The following PEAR1 variants were observed in gnomAD, a reference collection of about 807,000 sequenced individuals.
PEAR1 encodes multiple EGF-like domains protein 12.
In PEAR1, 113 loss-of-function variants were observed where a neutral mutation model predicts 131.2. The observed-to-expected ratio is 0.86, with a 90% CI of 0.74 to 1.01. The LOEUF is 1.01. PEAR1 is among the 50% of genes least tolerant of loss of function. PEAR1 has a pLI of 0.00. For synonymous variants in PEAR1, 565 were observed against 523.3 expected (o/e 1.08, Z -1.09); for missense variants, 1,408 against 1,391.1 (o/e 1.01, Z -0.19).
intron 22 of PEAR1, 34 bp from the exon 23 acceptor site, chr1:156,914,613 G>A (rs1165559638): frequency 6.3e-7 from 1 of 1,584,994 alleles, no homozygotes; most frequent in Non-Finnish European, 8.6e-7. Context: ...GGTGGGAGGA[G>A]CCACTCCCTC....
In PEAR1 at chr1:156,911,125, TCTTTC is replaced by T. The variant is rs1159593682; in HGVS notation, c.1951+388_1951+392del. On this transcript the variant is annotated intron_variant, in intron 15 of 22. Transcript: ENST00000292357. ...TTCTTTCTTTTCTTTCTTCTTTCTT[TCTTTC>T]CTTTCTTTCTTTTCTTTCTTTCTTT... Among the ~76,000 whole-genome samples, 5 of 149,866 alleles carry T rather than the reference TCTTTC, an allele frequency of 3.3e-5. 1 individual carries two copies. In the South Asian group the frequency reaches 1.1e-3, roughly 32 times the overall value.
At chr1:156,906,128 G>A in intron 4 of PEAR1, 148 bp from the exon 5 acceptor site, 1 of 639,796 alleles carries the variant, frequency 1.6e-6, no homozygotes, top group East Asian at 2.8e-5. Flanking sequence ...CTGAGTTGCT[G>A]CCCCTCAGTC....
rs759870701 is a variant in PEAR1, at chr1:156,905,327, T to A, written c.210T>A (p.Val70=). 6.2e-7 allele frequency: 1 copy of A among 1,611,536 alleles called. No homozygotes were observed. Among genetic ancestry groups the A allele is most frequent in the East Asian group, 2.2e-5 (1 of 44,850 alleles). ...EGPHTCPQPT[V]VYRTVYRQVV... ...GCCGCCTTCCTGGCCTCCGCAGGGT[T>A]GTATACCGGACCGTGTACCGTCAGG... The change falls in exon 4 of 23, where the codon GTT becomes GTA. Residue 70 remains valine, a synonymous_variant. Coordinates refer to ENST00000292357, the MANE Select transcript of PEAR1 (RefSeq NM_001080471.3).
At chr1:156,898,298 G>A (rs749341287) in intron 1 of PEAR1, among the ~76,000 whole-genome samples, 17 of 152,108 alleles carry the variant, frequency 1.1e-4, no homozygotes, top group Non-Finnish European at 1.8e-4. Context: ...TAAACAGGTC[G>A]GACCTAGGAC....
Position 156,910,758 on chromosome 1 carries a change from G to C in PEAR1, c.1951+15G>C. ...CTGCTCCCAGCGTATGTGGTAGCTTGTGTGTCTGAGCATACGTGCATGCTG... is the reference window on the plus strand; with the variant it reads ...CTGCTCCCAGCGTATGTGGTAGCTTCTGTGTCTGAGCATACGTGCATGCTG... On this transcript the variant is annotated intron_variant, in intron 15 of 22. Transcript: ENST00000292357. The C allele has an allele frequency of 6.2e-7, 1 of 1,613,862 alleles. No homozygotes were observed. Among genetic ancestry groups the C allele is most frequent in the Non-Finnish European group, 8.5e-7 (1 of 1,179,922 alleles).
At position 156,908,193 on chromosome 1, in the gene PEAR1, CG is replaced by C; in HGVS notation, c.970del (p.Asp324ThrfsTer53). On this transcript the variant is annotated frameshift_variant, in exon 9 of 23. Coordinates refer to ENST00000292357, the MANE Select transcript of PEAR1 (RefSeq NM_001080471.3). LOFTEE classifies it high-confidence loss of function. This position sits in a 1 kb window ranked among gnomAD's most constrained non-coding sequence, Gnocchi z 4.2. Reference protein sequence around the residue: ...QDCAETCDCAPDARCFPANGA... With the variant: ...QDCAETCDCAXDARCFPANGA... Reference sequence around the variant, plus strand: ...TGTGCTGAGACGTGCGACTGCGCCCCGGACGCCCGTTGCTTCCCGGCCAACG... The same window carrying C: ...TGTGCTGAGACGTGCGACTGCGCCCCGACGCCCGTTGCTTCCCGGCCAACG... The C allele has an allele frequency of 6.2e-7, 1 of 1,603,166 alleles. No homozygotes were observed. The highest frequency in any genetic ancestry group is 1.3e-5 in the African/African-American group (1 of 75,002).
intron 6 of PEAR1, 39 bp from the exon 7 acceptor site, chr1:156,907,571 G>T (rs768776256): frequency 1.3e-6 from 2 of 1,585,198 alleles, no homozygotes; most frequent in South Asian, 1.2e-5. Context: ...AGCAGTTATT[G>T]CTTGTTTGCA....
At chr1:156,901,803 G>A (rs1340670108) in intron 1 of PEAR1, among the ~76,000 whole-genome samples, 2 of 149,106 alleles carry the variant, frequency 1.3e-5, no homozygotes, top group Admixed American at 6.7e-5. Context: ...TGGAGAGAAG[G>A]TTAGCTGGGG....
Position 156,912,924 on chromosome 1 carries a change from C to T in PEAR1, c.2364C>T (p.His788=), listed in dbSNP as rs761078953. 7.4e-6 allele frequency: 12 copies of T among 1,614,128 alleles called. No individual in the cohort carries two copies. In the East Asian group the frequency reaches 2.2e-4, roughly 30 times the overall value. The change falls in exon 18 of 23, where the codon CAC becomes CAT. Residue 788 remains histidine, a synonymous_variant. Transcript: ENST00000292357. ...YRHWQKGKEH[H]HLAVAYSSGR... is the part of the protein sequence containing the mutation. ...ACTGGCAAAAAGGCAAGGAGCACCACCACCTGGCTGTGGCTTACAGCAGCG... is the reference window on the plus strand; with the variant it reads ...ACTGGCAAAAAGGCAAGGAGCACCATCACCTGGCTGTGGCTTACAGCAGCG...
intron 6 of PEAR1, 36 bp from the exon 7 acceptor site, chr1:156,907,574 T>G: frequency 8.2e-6 from 13 of 1,586,612 alleles, no homozygotes; most frequent in African/African-American, 1.3e-5. Flanking sequence ...AGTTATTGCT[T>G]GTTTGCACAT....
In PEAR1 at chr1:156,908,065, G is replaced by A. The variant is rs754099904; in HGVS notation, c.902+14G>A. 2 of 1,571,086 alleles carry A rather than the reference G, an allele frequency of 1.3e-6. No homozygotes were observed. Among genetic ancestry groups the A allele is most frequent in the South Asian group, 1.2e-5 (1 of 86,296 alleles). On this transcript the variant is annotated intron_variant, in intron 8 of 22. Coordinates refer to ENST00000292357, the MANE Select transcript of PEAR1 (RefSeq NM_001080471.3). This position sits in a 1 kb window ranked among gnomAD's most constrained non-coding sequence, Gnocchi z 4.2. ...CACTGGGGATCGGTGAGTGGCGTGG[G>A]GCGGGCGGGAGACGGGAGGGAGGAG...
chr1:156,914,094 A>C lies in PEAR1; in HGVS notation c.2956A>C (p.Ile986Leu). The C allele has an allele frequency of 6.3e-7, 1 of 1,592,810 alleles. No homozygotes were observed. Among genetic ancestry groups the C allele is most frequent in the Non-Finnish European group, 8.6e-7 (1 of 1,169,002 alleles). Residue 986 changes from isoleucine (I) to leucine (L), a missense_variant, in exon 22 of 23, where the codon ATC becomes CTC. By Grantham distance (5) the Ile-to-Leu change is conservative (BLOSUM62 2). Transcript: ENST00000292357. ...SGTYEQPSPL[I>L]HDRDSVGSQP... ...CACCTACGAGCAGCCCAGCCCCCTGATCCATGGTGAGCCCTCCCTCTCCAC... is the reference window on the plus strand; with the variant it reads ...CACCTACGAGCAGCCCAGCCCCCTGCTCCATGGTGAGCCCTCCCTCTCCAC...
intron 22 of PEAR1, among the ~76,000 whole-genome samples, chr1:156,914,358 G>T (rs952986037): frequency 6.6e-6 from 1 of 152,190 alleles, no homozygotes; most frequent in African/African-American, 2.4e-5. Flanking sequence ...CATCAGAGTG[G>T]TGGAGTTGGT....
chr1:156,902,846 C>T lies in PEAR1; in HGVS notation c.-9-1072C>T, dbSNP rs950479139. On this transcript the variant is annotated intron_variant, in intron 1 of 22. Transcript: ENST00000292357. This position sits in a 1 kb window ranked among gnomAD's most constrained non-coding sequence, Gnocchi z 4.3. ...AGCTCAGGAGCTGAGGCAGCAGAGC[C>T]GTCTGAAGTGCTGGGAGCCAGGGGT... Among the ~76,000 whole-genome samples the T allele has an allele frequency of 2.6e-5, 4 of 152,180 alleles. No individual in the cohort carries two copies. Among genetic ancestry groups the T allele is most frequent in the African/African-American group, 9.6e-5 (4 of 41,514 alleles).
At position 156,908,884 on chromosome 1, in the gene PEAR1, G is replaced by A; in HGVS notation, c.1291-32G>A. 6.2e-7 allele frequency: 1 copy of A among 1,609,892 alleles called. No individual in the cohort carries two copies. Among genetic ancestry groups the A allele is most frequent in the Non-Finnish European group, 8.5e-7 (1 of 1,179,476 alleles). On this transcript the variant is annotated intron_variant, in intron 10 of 22. Transcript: ENST00000292357. The surrounding 1 kb of genome is among the most constrained non-coding windows in gnomAD (Gnocchi z 4.2). ...GGCAGGTGGAGAGGCCAAGGAATGG[G>A]CCGCCCCTCTCACCCGCTCACCCTC... is the stretch of plus-strand genomic sequence containing the variant.
intron 6 of PEAR1, 59 bp downstream of exon 6, chr1:156,906,939 T>C: frequency 6.5e-7 from 1 of 1,549,424 alleles, no homozygotes; most frequent in Non-Finnish European, 8.7e-7. Flanking sequence ...CACACAGATC[T>C]ATGTGGGGAA....
intron 1 of PEAR1, among the ~76,000 whole-genome samples, chr1:156,901,200 C>T (rs1649645835): frequency 6.6e-6 from 1 of 152,242 alleles, no homozygotes. Flanking sequence ...CACTCTGGCC[C>T]TACCCTGAGG....
At position 156,906,276 on chromosome 1, in the gene PEAR1, C is replaced by T. The variant is rs778026543; in HGVS notation, c.308C>T (p.Pro103Leu). The T allele has an allele frequency of 3.8e-5, 61 of 1,613,938 alleles. No individual in the cohort carries two copies. The highest frequency in any genetic ancestry group is 1.6e-4 in the Middle Eastern group (1 of 6,084). ...GFYESRGFCVPLCAQECVHGR... is the reference protein window; with the variant it reads ...GFYESRGFCVLLCAQECVHGR... The stretch of plus-strand genomic sequence containing the variant: ...CTCACCACACCCATCTCTGTCCCAG[C>T]GCTCTGTGCCCAGGAGTGTGTCCAT... The change falls in exon 5 of 23, where the codon CCG (proline) becomes CTG (leucine). Residue 103 changes from proline to leucine, a missense_variant and splice_region_variant. Pro to Leu is a moderately conservative substitution (Grantham distance 98). Coordinates refer to ENST00000292357, the MANE Select transcript of PEAR1 (RefSeq NM_001080471.3).
At chr1:156,900,845 G>A (rs1247591054) in intron 1 of PEAR1, among the ~76,000 whole-genome samples, 2 of 152,250 alleles carry the variant, frequency 1.3e-5, no homozygotes, top group East Asian at 3.9e-4. Context: ...TCCAGGAGTG[G>A]TCTCATTTCA....
Sources: allele counts gnomAD v4.1 joint callset (sites outside exome capture counted in the v4.1 genomes callset), GRCh38; gene constraint gnomAD v4.1.1; non-coding constraint Gnocchi (gnomAD v3.1); transcripts MANE v1.5; gene names NCBI Gene and HGNC (gene_info 2026-07-23, HGNC 2026-07-21).